The following C10orf90 variants were observed in gnomAD, a reference collection of about 807,000 sequenced individuals.
C10orf90 encodes chromosome 10 open reading frame 90, also known as (E2-independent) E3 ubiquitin-conjugating enzyme FATS.
A neutral mutation model predicts 62.5 loss-of-function variants in C10orf90; 56 were observed. The observed-to-expected ratio is 0.90, with a 90% CI of 0.72 to 1.12. The LOEUF is 1.12. Among genes scored for constraint, C10orf90 ranks in the 50% most tolerant of loss-of-function variants. The pLI is 0.00. For synonymous variants in C10orf90, 386 were observed against 340.4 expected (o/e 1.13, Z -1.47); for missense variants, 970 against 880.4 (o/e 1.10, Z -1.29).
chr10:126,602,959 G>A (rs560653045), intron 2 of C10orf90, among the ~76,000 whole-genome samples: 1 of 152,080 alleles, frequency 6.6e-6, no homozygotes, highest in Non-Finnish European at 1.5e-5. Flanking sequence ...GGACAGAGTT[G>A]GGGAGAAGGG....
At position 126,607,477 on chromosome 10, in the gene C10orf90, T is replaced by C. The variant is rs191129839; in HGVS notation, c.313+39088A>G. On this transcript the variant is annotated intron_variant, in intron 2 of 9. Coordinates refer to ENST00000488181, the MANE Select transcript of C10orf90 (RefSeq NM_001350921.2). ...TTTTTCATGATGAACACAATGAGCC[T>C]GTCACTTTAAGGAAAACAACTGATA... Among the ~76,000 whole-genome samples, 3 of 152,330 alleles carry C rather than the reference T, an allele frequency of 2.0e-5. No homozygotes were observed. In the East Asian group the frequency reaches 5.8e-4, roughly 29 times the overall value.
intron 2 of C10orf90, among the ~76,000 whole-genome samples, chr10:126,516,016 TA>T (rs992105988): frequency 5.9e-5 from 9 of 152,144 alleles, no homozygotes; most frequent in African/African-American, 2.2e-4. Flanking sequence ...GAACTGACAA[TA>T]AAGCTGATGA....
intron 2 of C10orf90, among the ~76,000 whole-genome samples, chr10:126,614,922 ACT>A (rs1447847832): frequency 6.6e-6 from 1 of 151,978 alleles, no homozygotes; most frequent in East Asian, 1.9e-4. Context: ...GTTCTTCAAG[ACT>A]CTGTGCTGAA....
chr10:126,586,439 C>T (rs1460435535), intron 2 of C10orf90, among the ~76,000 whole-genome samples: 3 of 152,190 alleles, frequency 2.0e-5, no homozygotes, highest in African/African-American at 4.8e-5. Flanking sequence ...AATCGGCACG[C>T]GTTCTGAGTA....
At chr10:126,609,378 G>C (rs938259996) in intron 2 of C10orf90, among the ~76,000 whole-genome samples, 1 of 152,132 alleles carries the variant, frequency 6.6e-6, no homozygotes, top group African/African-American at 2.4e-5. Context: ...ACTCCAGCCT[G>C]GGCAAAAAGA....
intron 1 of C10orf90, among the ~76,000 whole-genome samples, chr10:126,649,049 T>A (rs1321887178): frequency 9.9e-5 from 5 of 50,450 alleles, no homozygotes; most frequent in Non-Finnish European, 1.6e-4. Context: ...TCTCTCTCTC[T>A]CTCTCTCTCT....
intron 1 of C10orf90, among the ~76,000 whole-genome samples, chr10:126,667,944 C>A (rs560128348): frequency 5.9e-5 from 9 of 152,272 alleles, no homozygotes; most frequent in African/African-American, 2.2e-4. Flanking sequence ...ACCACCTGCT[C>A]CCAATCCTGG....
chr10:126,488,452 A>T (rs1050009458), intron 4 of C10orf90, among the ~76,000 whole-genome samples: 1 of 152,146 alleles, frequency 6.6e-6, no homozygotes, highest in Non-Finnish European at 1.5e-5. Context: ...ATCTACAAAA[A>T]ATAAGAGGAA....
intron 2 of C10orf90, among the ~76,000 whole-genome samples, chr10:126,581,361 A>G (rs983721656): frequency 1.5e-4 from 23 of 152,212 alleles, no homozygotes; most frequent in African/African-American, 5.3e-4. Context: ...TCCTAGGAAC[A>G]CATCATTGAT....
At chr10:126,472,822 ATG>A (rs140012099) in intron 4 of C10orf90, among the ~76,000 whole-genome samples, 12 of 151,886 alleles carry the variant, frequency 7.9e-5, no homozygotes, top group African/African-American at 2.2e-4. Context: ...GCAAGCATGC[ATG>A]TGTGTGTGTG....
chr10:126,563,291 G>A (rs935908510), intron 2 of C10orf90, among the ~76,000 whole-genome samples: 10 of 152,172 alleles, frequency 6.6e-5, no homozygotes, highest in Non-Finnish European at 1.3e-4. Context: ...ACCGCATCTG[G>A]CCTGTGACAG....
chr10:126,518,359 A>T (rs945787505), intron 2 of C10orf90, among the ~76,000 whole-genome samples: 1 of 152,098 alleles, frequency 6.6e-6, no homozygotes, highest in Non-Finnish European at 1.5e-5. Context: ...CAAGTCCAGC[A>T]GTGCTTGTTG....
intron 4 of C10orf90, chr10:126,502,931 G>A (rs1193154369): frequency 2.7e-6 from 1 of 371,998 alleles, no homozygotes; most frequent in Non-Finnish European, 5.4e-6. Context: ...TATATATACA[G>A]TTGTTAAAAT....
At chr10:126,631,225 G>A (rs972630602) in intron 2 of C10orf90, among the ~76,000 whole-genome samples, 9 of 152,148 alleles carry the variant, frequency 5.9e-5, no homozygotes, top group South Asian at 2.1e-4. Context: ...CAGAAAACTC[G>A]CCACTGTTAC....
intron 2 of C10orf90, chr10:126,524,400 C>G (rs562720489): frequency 6.5e-6 from 1 of 153,548 alleles, no homozygotes; most frequent in Non-Finnish European, 1.4e-5. Context: ...GAGGCACTCT[C>G]CTCTCAGAAA....
chr10:126,621,762 C>A (rs1435242432), intron 2 of C10orf90, among the ~76,000 whole-genome samples: 1 of 152,126 alleles, frequency 6.6e-6, no homozygotes, highest in Non-Finnish European at 1.5e-5. Context: ...ATAAAAATTC[C>A]TCTGTATGAT....
At chr10:126,430,789 T>C (rs1857527926) in intron 7 of C10orf90, among the ~76,000 whole-genome samples, 1 of 152,148 alleles carries the variant, frequency 6.6e-6, no homozygotes, top group Non-Finnish European at 1.5e-5. Context: ...AAGTCCTGGG[T>C]CTGTTTCTAT....
intron 2 of C10orf90, among the ~76,000 whole-genome samples, chr10:126,563,883 G>A (rs1844232000): frequency 6.6e-6 from 1 of 152,164 alleles, no homozygotes; most frequent in Non-Finnish European, 1.5e-5. Context: ...GGCCAGATGA[G>A]TAAAGGCCAT....
At chr10:126,433,507 C>T (rs974253173) in intron 7 of C10orf90, among the ~76,000 whole-genome samples, 1 of 152,058 alleles carries the variant, frequency 6.6e-6, no homozygotes, top group African/African-American at 2.4e-5. Context: ...ATAGACCTGC[C>T]TGCAGCAAGA....
Sources: gnomAD v4.1 joint callset for allele counts (sites outside exome capture counted in the v4.1 genomes callset) on GRCh38, gnomAD v4.1.1 for gene constraint, MANE v1.5 for transcripts, NCBI Gene and HGNC (gene_info 2026-07-23, HGNC 2026-07-21) for gene names.